NACC2: variants seen among roughly 807,000 people sequenced by gnomAD.
NACC2 encodes the protein nucleus accumbens-associated protein 2.
NACC2 carries 8 observed loss-of-function variants against 25.1 expected under a neutral mutation model. That is an observed-to-expected ratio of 0.32 (90% CI 0.19 to 0.57). The LOEUF (loss-of-function observed/expected upper bound fraction) is 0.57. Among genes scored for constraint, NACC2 ranks in the 20% least tolerant of loss-of-function variants. The pLI is 0.89. For synonymous variants in NACC2, 435 were observed against 294.7 expected, an observed-to-expected ratio of 1.48 and a Z score of -4.88; for missense variants, 644 against 650.2, an observed-to-expected ratio of 0.99 and a Z score of 0.10.
At chr9:136,088,113 G>A (rs983281855) in intron 1 of NACC2, among the ~76,000 whole-genome samples, 2 of 152,198 alleles carry the variant, frequency 1.3e-5, no homozygotes, top group African/African-American at 2.4e-5. Context: ...GGGCTTGTAC[G>A]GTCGCCAGGT....
intron 2 of NACC2, among the ~76,000 whole-genome samples, chr9:136,021,005 A>C (rs1321187123): frequency 6.6e-6 from 1 of 152,120 alleles, no homozygotes; most frequent in Admixed American, 6.5e-5. Flanking sequence ...AAGGCCCCCA[A>C]AGCACGATCC....
chr9:136,085,137 ATTTTTTT>A lies in NACC2; in HGVS notation c.-60+10045_-60+10051del, dbSNP rs913472378. Among the ~76,000 whole-genome samples, 418 of 82,774 alleles carry A rather than the reference ATTTTTTT, an allele frequency of 5.0e-3. 3 individuals carry two copies. Among genetic ancestry groups the A allele is most frequent in the African/African-American group, 0.015 (341 of 22,666 alleles). The allele number at this position is 82,774 out of a possible 152,430, so 54.3% of individuals were successfully genotyped here. A position where few individuals can be genotyped will look rare whatever the true frequency, so the allele number is the denominator to read the frequency against. ...AACATAGGAAGACTCCATTTCTACA[ATTTTTTT>A]TTTTTTTTTTTTTTTTTTTGGCGAG... On this transcript the variant is annotated intron_variant, in intron 1 of 5. Coordinates refer to ENST00000277554, the MANE Select transcript of NACC2 (RefSeq NM_144653.5).
chr9:136,068,396 G>A (rs898302733), intron 1 of NACC2, among the ~76,000 whole-genome samples: 2 of 150,922 alleles, frequency 1.3e-5, no homozygotes, highest in Admixed American at 6.6e-5. Flanking sequence ...CTACACAAGA[G>A]GCTGAGGCAG....
chr9:136,053,829 C>T (rs1008975025), intron 1 of NACC2, among the ~76,000 whole-genome samples: 1 of 152,164 alleles, frequency 6.6e-6, no homozygotes, highest in African/African-American at 2.4e-5. Context: ...GCCAGCACGG[C>T]GCACCGGTTC....
intron 2 of NACC2, among the ~76,000 whole-genome samples, chr9:136,026,950 C>T (rs768862069): frequency 5.9e-5 from 9 of 152,146 alleles, no homozygotes; most frequent in Non-Finnish European, 8.8e-5. Flanking sequence ...GTTTGTTGGC[C>T]GGGTGCAGTA....
At position 136,016,449 on chromosome 9, in the gene NACC2, C is replaced by A. The variant is rs1840205164; in HGVS notation, c.887-20G>T. The stretch of plus-strand genomic sequence containing the variant: ...CTTGCACTGTGGGCCCAGAACCAAC[C>A]TGGTCAGATGGGCATCTGGGGGGCC... On this transcript the variant is annotated intron_variant, in intron 2 of 5. Coordinates refer to ENST00000277554, the MANE Select transcript of NACC2 (RefSeq NM_144653.5). The A allele has an allele frequency of 6.2e-7, 1 of 1,610,416 alleles. No homozygotes were observed. The highest frequency in any genetic ancestry group is 1.3e-5 in the African/African-American group (1 of 74,854).
In NACC2 at chr9:136,015,688, G is replaced by C. The variant is rs541256701; in HGVS notation, c.1051+577C>G. Among the ~76,000 whole-genome samples the C allele has an allele frequency of 2.0e-5, 3 of 152,360 alleles. No individual in the cohort carries two copies. The South Asian group carries it at 6.2e-4, about 32-fold the overall frequency. ...CTGGAAAACCGGGAAGAAATCCCCA[G>C]AAAATGGCCCAATAGTCACCAAAGA... On this transcript the variant is annotated intron_variant, in intron 3 of 5. Coordinates refer to ENST00000277554, the MANE Select transcript of NACC2 (RefSeq NM_144653.5).
intron 1 of NACC2, among the ~76,000 whole-genome samples, chr9:136,060,422 TTC>T (rs139577741): frequency 0.016 from 2,493 of 152,350 alleles, 70 homozygotes; most frequent in African/African-American, 0.056. Context: ...AACACCCAAC[TTC>T]TACAGCTCGG....
In NACC2 at chr9:136,011,717, G is replaced by C; in HGVS notation, c.1563C>G (p.Ala521=). 4.0e-6 allele frequency: 6 copies of C among 1,515,000 alleles called. No individual in the cohort carries two copies. Among genetic ancestry groups the C allele is most frequent in the Non-Finnish European group, 5.3e-6 (6 of 1,132,756 alleles). 93.8% of individuals were successfully genotyped at this position (1,515,000 alleles called of 1,614,324 possible). A position where few individuals can be genotyped will look rare whatever the true frequency, so the allele number is the denominator to read the frequency against. Residue 521 remains alanine, a synonymous_variant, in exon 6 of 6, where the codon GCC becomes GCG. Coordinates refer to ENST00000277554, the MANE Select transcript of NACC2 (RefSeq NM_144653.5). ...TDAVNVDLSA[A]ANPAFDAGEE... is the part of the protein sequence containing the mutation. ...CGCCGGCGTCGAAGGCGGGGTTGGCGGCGGCACTCAGGTCAACATTCACGG... is the reference window on the plus strand; with the variant it reads ...CGCCGGCGTCGAAGGCGGGGTTGGCCGCGGCACTCAGGTCAACATTCACGG...
intron 2 of NACC2, among the ~76,000 whole-genome samples, chr9:136,044,432 T>TG (rs1840688831): frequency 6.6e-6 from 1 of 152,060 alleles, no homozygotes; most frequent in South Asian, 2.1e-4. Context: ...GCAGGGGTAT[T>TG]GGCCCTTCAA....
intron 2 of NACC2, among the ~76,000 whole-genome samples, chr9:136,049,103 C>T (rs1016559163): frequency 6.6e-6 from 1 of 152,304 alleles, no homozygotes; most frequent in African/African-American, 2.4e-5. Flanking sequence ...GGGCCCAGGA[C>T]GGGGAGCAGC....
At chr9:136,061,826 C>T (rs1002862901) in intron 1 of NACC2, among the ~76,000 whole-genome samples, 3 of 152,018 alleles carry the variant, frequency 2.0e-5, no homozygotes, top group Admixed American at 6.6e-5. Flanking sequence ...CAGGCCATTA[C>T]GAAAAGTTGG....
intron 1 of NACC2, among the ~76,000 whole-genome samples, chr9:136,068,317 G>T (rs1212832050): frequency 6.6e-6 from 1 of 151,958 alleles, no homozygotes; most frequent in Non-Finnish European, 1.5e-5. Context: ...GGTCAACATG[G>T]CAAAACCCTG....
intron 2 of NACC2, among the ~76,000 whole-genome samples, chr9:136,035,460 G>A (rs1490150358): frequency 6.6e-6 from 1 of 152,020 alleles, no homozygotes; most frequent in East Asian, 1.9e-4. Context: ...CTTTTCAAAG[G>A]ATCAGTGTCA....
chr9:136,033,381 C>T (rs553187321), intron 2 of NACC2, among the ~76,000 whole-genome samples: 15 of 152,082 alleles, frequency 9.9e-5, no homozygotes, highest in East Asian at 5.8e-4. Context: ...CGGTGGCTCA[C>T]GCCTGTAATC....
intron 1 of NACC2, among the ~76,000 whole-genome samples, chr9:136,059,682 G>A (rs1588575492): frequency 6.6e-6 from 1 of 152,354 alleles, no homozygotes; most frequent in East Asian, 1.9e-4. Flanking sequence ...CCTGCATACG[G>A]CTGGCCTTGG....
intron 1 of NACC2, among the ~76,000 whole-genome samples, chr9:136,051,233 G>A (rs1840829343): frequency 6.6e-6 from 1 of 152,200 alleles, no homozygotes; most frequent in Non-Finnish European, 1.5e-5. Flanking sequence ...CCCTCGCGCA[G>A]AGAGACCACC....
intron 1 of NACC2, among the ~76,000 whole-genome samples, chr9:136,079,150 A>G (rs952817306): frequency 1.3e-5 from 2 of 152,020 alleles, no homozygotes; most frequent in Non-Finnish European, 2.9e-5. Context: ...CCTTAACAAG[A>G]GAAAGCTTGA....
Position 136,011,548 on chromosome 9 carries a change from TCCGGGCCGCGGCCG to T in NACC2, c.1718_1731del (p.Ala573GlufsTer31). On this transcript the variant is annotated frameshift_variant, in exon 6 of 6. Coordinates refer to ENST00000277554, the MANE Select transcript of NACC2 (RefSeq NM_144653.5). LOFTEE classifies it high-confidence loss of function. ...GTCCCTGCATAGGTGCCCTCCGGCC[TCCGGGCCGCGGCCG>T]CCGGCGTCTGGGGCCTGCTGGGGCC... is the stretch of plus-strand genomic sequence containing the variant. 7.1e-7 allele frequency: 1 copy of T among 1,408,266 alleles called. No homozygotes were observed. The highest frequency in any genetic ancestry group is 9.2e-7 in the Non-Finnish European group (1 of 1,087,218). 87.2% of individuals were successfully genotyped at this position (1,408,266 alleles called of 1,614,324 possible).
Sources: gnomAD v4.1 joint callset for allele counts (sites outside exome capture counted in the v4.1 genomes callset) on GRCh38, gnomAD v4.1.1 for gene constraint, MANE v1.5 for transcripts, NCBI Gene and HGNC (gene_info 2026-07-23, HGNC 2026-07-21) for gene names.